Variants in PDE8A observed in about 807,000 individuals in gnomAD.
PDE8A encodes the protein phosphodiesterase 8A, also known as high affinity cAMP-specific and IBMX-insensitive 3',5'-cyclic phosphodiesterase 8A.
PDE8A carries 59 observed loss-of-function variants against 105.0 expected under a neutral mutation model. The ratio of observed to expected loss-of-function variants is 0.56; its 90% CI spans 0.46 to 0.70. PDE8A has a LOEUF of 0.70. Ranked by LOEUF, PDE8A falls within the 30% of genes least tolerant of loss-of-function variation. The pLI, the probability that PDE8A is intolerant of heterozygous loss-of-function variation, is 0.00. For synonymous variants in PDE8A, 355 were observed against 371.9 expected (o/e 0.95, Z 0.52); for missense variants, 1,014 against 1,045.9 (o/e 0.97, Z 0.42).
At chr15:85,031,402 G>A (rs2080612695) in intron 1 of PDE8A, among the ~76,000 whole-genome samples, 1 of 152,126 alleles carries the variant, frequency 6.6e-6, no homozygotes, top group South Asian at 2.1e-4. Flanking sequence ...CCCTGCCATT[G>A]CTCTCCTCGC....
At chr15:85,133,282 G>A (rs2082355034) in intron 20 of PDE8A, among the ~76,000 whole-genome samples, 1 of 152,040 alleles carries the variant, frequency 6.6e-6, no homozygotes, top group African/African-American at 2.4e-5. Context: ...CATCCATATT[G>A]GTCATCCCCC....
At chr15:85,098,104 A>C in intron 9 of PDE8A, 68 bp downstream of exon 9, 1 of 933,938 alleles carries the variant, frequency 1.1e-6, no homozygotes, top group Non-Finnish European at 1.7e-6. Flanking sequence ...TTTGCTTTGA[A>C]TATTTAAGTT....
chr15:85,058,403 G>A (rs534951762), intron 1 of PDE8A, among the ~76,000 whole-genome samples: 1 of 152,252 alleles, frequency 6.6e-6, no homozygotes, highest in East Asian at 1.9e-4. Flanking sequence ...TTGGTATCAA[G>A]GTAATACTGG....
chr15:85,049,964 T>C (rs2141415604), intron 1 of PDE8A, among the ~76,000 whole-genome samples: 1 of 152,336 alleles, frequency 6.6e-6, no homozygotes, highest in South Asian at 2.1e-4. Context: ...GGCACAGAGG[T>C]TCCAGTTTTT....
At chr15:85,117,583 A>G (rs1265712019) in intron 16 of PDE8A, 58 bp from the exon 17 acceptor site, 7 of 1,456,556 alleles carry the variant, frequency 4.8e-6, no homozygotes, top group Non-Finnish European at 6.7e-6. Flanking sequence ...TCAGGCCTTA[A>G]ACACTTGGCC....
At chr15:85,020,338 T>C (rs898432601) in intron 1 of PDE8A, among the ~76,000 whole-genome samples, 4 of 152,188 alleles carry the variant, frequency 2.6e-5, no homozygotes, top group Non-Finnish European at 5.9e-5. Context: ...GCGCAGTGGC[T>C]CATGCCTGTA....
At position 85,123,081 on chromosome 15, in the gene PDE8A, G is replaced by A. The variant is rs1274686948; in HGVS notation, c.1973G>A (p.Arg658His). The change falls in exon 19 of 22, where the codon CGC becomes CAC. Residue 658 changes from arginine to histidine, a missense_variant. Transcript: ENST00000394553. The part of the protein sequence containing the change: ...NMERNDYRTL[R>H]QGIIDMVLAT... ...AACAGGAATGATTATCGGACACTGC[G>A]CCAGGGGATTATCGACATGGTCTTA... 6 of 1,614,036 alleles carry A rather than the reference G, an allele frequency of 3.7e-6. No individual in the cohort carries two copies. The highest frequency in any genetic ancestry group is 2.7e-5 in the African/African-American group (2 of 75,018).
rs200087189 is a variant in PDE8A at position 85,102,161 on chromosome 15, A to G, written c.1036+1963A>G. Reference sequence around the variant, plus strand: ...GAGAGGAGGGGTGAGGTGGATTCCTAGAGACCACCCACCTCCAGAGAAGGA... The same window carrying G: ...GAGAGGAGGGGTGAGGTGGATTCCTGGAGACCACCCACCTCCAGAGAAGGA... On this transcript the variant is annotated intron_variant, in intron 11 of 21. Transcript: ENST00000394553. Among the ~76,000 whole-genome samples, 28 of 152,266 alleles carry G rather than the reference A, an allele frequency of 1.8e-4. No homozygotes were observed. The East Asian group carries it at 5.2e-3, about 28-fold the overall frequency.
chr15:85,079,544 C>G (rs1294203031), intron 5 of PDE8A, among the ~76,000 whole-genome samples: 1 of 152,186 alleles, frequency 6.6e-6, no homozygotes, highest in East Asian at 1.9e-4. Flanking sequence ...TTTACAGCAA[C>G]TTGATCAAAT....
intron 1 of PDE8A, among the ~76,000 whole-genome samples, chr15:85,053,987 G>A (rs1231176230): frequency 6.6e-6 from 1 of 152,200 alleles, no homozygotes; most frequent in Non-Finnish European, 1.5e-5. Context: ...TTTGAGATAT[G>A]TCCCATCAAT....
intron 1 of PDE8A, among the ~76,000 whole-genome samples, chr15:85,047,096 T>C (rs1596470652): frequency 6.6e-6 from 1 of 152,232 alleles, no homozygotes; most frequent in East Asian, 1.9e-4. Flanking sequence ...TGCTTAAAAA[T>C]GTCAGTTGCT....
intron 1 of PDE8A, among the ~76,000 whole-genome samples, chr15:85,057,147 T>A (rs527997696): frequency 3.9e-5 from 6 of 152,140 alleles, no homozygotes; most frequent in Non-Finnish European, 8.8e-5. Context: ...ACGGCAAATG[T>A]TGCTGCCTGA....
At chr15:85,121,989 T>A (rs55940212) in intron 18 of PDE8A, among the ~76,000 whole-genome samples, 3 of 152,176 alleles carry the variant, frequency 2.0e-5, no homozygotes, top group Non-Finnish European at 4.4e-5. Flanking sequence ...TCTTGAGCTC[T>A]TAGAGACTCA....
intron 6 of PDE8A, among the ~76,000 whole-genome samples, chr15:85,088,021 C>T (rs921264977): frequency 2.2e-4 from 33 of 152,142 alleles, no homozygotes; most frequent in Admixed American, 1.6e-3. Context: ...AGTTGTGCTT[C>T]AGTCATCACA....
intron 1 of PDE8A, among the ~76,000 whole-genome samples, chr15:84,984,312 G>A (rs2079767630): frequency 6.6e-6 from 1 of 152,076 alleles, no homozygotes; most frequent in Admixed American, 6.6e-5. Flanking sequence ...TAGAGCAGAG[G>A]TAAATGTCAG....
In PDE8A at chr15:85,083,600, G is replaced by T. The variant is rs774412558; in HGVS notation, c.591G>T (p.Leu197=). The change falls in exon 6 of 22, where the codon CTG becomes CTT. Residue 197 remains leucine, a synonymous_variant. Coordinates refer to ENST00000394553, the MANE Select transcript of PDE8A (RefSeq NM_002605.3). ...NPNIMACYNE[L]LQLEFGEVRS... is the part of the protein sequence containing the mutation. Reference sequence around the variant, plus strand: ...ACATCATGGCCTGCTACAATGAACTGCTCCAGCTGGAGTTTGGAGAGGTGC... The same window carrying T: ...ACATCATGGCCTGCTACAATGAACTTCTCCAGCTGGAGTTTGGAGAGGTGC... The T allele has an allele frequency of 2.5e-6, 4 of 1,613,482 alleles. No individual in the cohort carries two copies. In the African/African-American group the frequency reaches 5.3e-5, roughly 22 times the overall value.
At chr15:85,034,770 A>G (rs1287324426) in intron 1 of PDE8A, among the ~76,000 whole-genome samples, 1 of 151,228 alleles carries the variant, frequency 6.6e-6, no homozygotes, top group East Asian at 1.9e-4. Flanking sequence ...CTGGTCTTGA[A>G]CTCCTCCTGG....
intron 1 of PDE8A, among the ~76,000 whole-genome samples, chr15:85,019,021 G>A (rs191536570): frequency 2.6e-5 from 4 of 152,272 alleles, no homozygotes; most frequent in East Asian, 1.9e-4. Flanking sequence ...TCTCCTAGCA[G>A]TATAGTTACT....
intron 1 of PDE8A, among the ~76,000 whole-genome samples, chr15:85,001,367 TACAAAA>T (rs978748696): frequency 4.6e-5 from 7 of 152,078 alleles, no homozygotes; most frequent in African/African-American, 1.4e-4. Context: ...AATATTCCAT[TACAAAA>T]ACAAAAACAA....
Sources: allele counts gnomAD v4.1 joint callset (sites outside exome capture counted in the v4.1 genomes callset), GRCh38; gene constraint gnomAD v4.1.1; transcripts MANE v1.5; gene names NCBI Gene and HGNC (gene_info 2026-07-23, HGNC 2026-07-21).